The following SLC12A6 variants were observed in gnomAD, a reference collection of about 807,000 sequenced individuals.
SLC12A6 encodes the protein solute carrier family 12 member 6, also known as K-Cl cotransporter 3.
SLC12A6 carries 66 observed loss-of-function variants against 135.3 expected under a neutral mutation model. That is an observed-to-expected ratio of 0.49 (90% CI 0.40 to 0.60). The LOEUF (loss-of-function observed/expected upper bound fraction) is 0.60. SLC12A6 is among the 20% of genes least tolerant of loss of function. The probability of loss-of-function intolerance (pLI) is 0.00; values close to 1 mark genes in which losing one functional copy is unlikely to be tolerated. For synonymous variants in SLC12A6, 513 were observed against 508.8 expected (o/e 1.01, Z -0.11); for missense variants, 1,058 against 1,452.3 (o/e 0.73, Z 4.41).
chr15:34,279,246 G>A (rs753396087), intron 2 of SLC12A6, among the ~76,000 whole-genome samples: 11 of 151,922 alleles, frequency 7.2e-5, no homozygotes, highest in Non-Finnish European at 1.3e-4. Flanking sequence ...CCTGGGAGGC[G>A]GAGGTTGCAG....
At chr15:34,293,173 T>A (rs536651340) in intron 2 of SLC12A6, among the ~76,000 whole-genome samples, 1 of 150,360 alleles carries the variant, frequency 6.7e-6, no homozygotes, top group East Asian at 1.9e-4. Flanking sequence ...TACGTGTTTT[T>A]TAAAAAATCT....
At chr15:34,294,830 C>A (rs1473802996) in intron 2 of SLC12A6, among the ~76,000 whole-genome samples, 1 of 151,568 alleles carries the variant, frequency 6.6e-6, no homozygotes, top group Non-Finnish European at 1.5e-5. Flanking sequence ...GCTAGGATTA[C>A]AGGCATGAGC....
chr15:34,275,448 C>T (rs1894237315), intron 2 of SLC12A6, 59 bp from the exon 3 acceptor site: 1 of 970,020 alleles, frequency 1.0e-6, no homozygotes, highest in African/African-American at 1.6e-5. Context: ...CAAATAATTT[C>T]TTTAAAATCA....
Position 34,230,010 on chromosome 15 carries a change from A to C in SLC12A6, c.*3871T>G, listed in dbSNP as rs1278114040. 1.7e-6 allele frequency: 1 copy of C among 578,146 alleles called. No individual in the cohort carries two copies. The highest frequency in any genetic ancestry group is 3.0e-6 in the Non-Finnish European group (1 of 329,662). The allele number at this position is 578,146 out of a possible 1,614,324, so 35.8% of individuals were successfully genotyped here. ...TAACCCAAGGCTGAAAATAATGTAG[A>C]AAACTTTATTTTTGTTTCCAGTACA... On this transcript the variant is annotated 3_prime_UTR_variant, in exon 26 of 26. Coordinates refer to ENST00000354181, the MANE Select transcript of SLC12A6 (RefSeq NM_001365088.1).
Position 34,279,293 on chromosome 15 carries a change from G to A in SLC12A6, c.272-3904C>T, listed in dbSNP as rs555863390. On this transcript the variant is annotated intron_variant, in intron 2 of 25. Transcript: ENST00000354181. ...CAGGCCACTGCACTCCAGCCTGGGCGACAGAGCAAGACTCCGTCTCAAAAA... is the reference window on the plus strand; with the variant it reads ...CAGGCCACTGCACTCCAGCCTGGGCAACAGAGCAAGACTCCGTCTCAAAAA... Among the ~76,000 whole-genome samples, 132 of 151,550 alleles carry A rather than the reference G, an allele frequency of 8.7e-4. 1 individual carries two copies. The highest frequency in any genetic ancestry group is 3.0e-3 in the African/African-American group (126 of 41,312).
Position 34,324,760 on chromosome 15 carries a change from C to T in SLC12A6, c.271+11650G>A, listed in dbSNP as rs967053878. On this transcript the variant is annotated intron_variant, in intron 2 of 25. Coordinates refer to ENST00000354181, the MANE Select transcript of SLC12A6 (RefSeq NM_001365088.1). Reference sequence around the variant, plus strand: ...CTATATCCCATACTCCGTACCCTCTCGAGTGTGGTATCATTTAGAAGGTTA... The same window carrying T: ...CTATATCCCATACTCCGTACCCTCTTGAGTGTGGTATCATTTAGAAGGTTA... Among the ~76,000 whole-genome samples the T allele has an allele frequency of 2.6e-5, 4 of 151,606 alleles. No homozygotes were observed. In the South Asian group the frequency reaches 6.2e-4, roughly 24 times the overall value.
In SLC12A6 at chr15:34,257,804, T is replaced by G; in HGVS notation, c.544-16A>C. On this transcript the variant is annotated splice_polypyrimidine_tract_variant and intron_variant, in intron 5 of 25. Coordinates refer to ENST00000354181, the MANE Select transcript of SLC12A6 (RefSeq NM_001365088.1). ...TTTGGGGGGTCTAGAAAGAAAGACATTGATAAAAAATCACACAGTTATCCT... is the reference window on the plus strand; with the variant it reads ...TTTGGGGGGTCTAGAAAGAAAGACAGTGATAAAAAATCACACAGTTATCCT... 6.3e-7 allele frequency: 1 copy of G among 1,580,250 alleles called. No individual in the cohort carries two copies. Among genetic ancestry groups the G allele is most frequent in the Non-Finnish European group, 8.7e-7 (1 of 1,150,382 alleles).
chr15:34,336,541 G>A lies in SLC12A6; in HGVS notation c.140C>T (p.Ser47Phe). Residue 47 changes from serine to phenylalanine, a missense_variant, in exon 2 of 26, where the codon TCC (serine) becomes TTC (phenylalanine). Physicochemically the swap from Ser to Phe is radical, Grantham distance 155. Transcript: ENST00000354181. ...GCTTGTTTCAGGCACGCTTTCCCGG[G>A]AGCTAAATCTTACTCGGGAACTAGA... Reference protein sequence around the residue: ...SRSSSRVRFSSRESVPETSRS... With the variant: ...SRSSSRVRFSFRESVPETSRS... 1 of 1,614,048 alleles carries A rather than the reference G, an allele frequency of 6.2e-7. No homozygotes were observed. The highest frequency in any genetic ancestry group is 8.5e-7 in the Non-Finnish European group (1 of 1,179,994).
At chr15:34,304,444 A>G (rs535790052) in intron 2 of SLC12A6, among the ~76,000 whole-genome samples, 2 of 152,334 alleles carry the variant, frequency 1.3e-5, no homozygotes, top group African/African-American at 4.8e-5. Flanking sequence ...TCTATGTTTA[A>G]CTTTTTAAGA....
At chr15:34,332,253 T>C (rs1329563285) in intron 2 of SLC12A6, among the ~76,000 whole-genome samples, 1 of 152,248 alleles carries the variant, frequency 6.6e-6, no homozygotes, top group Non-Finnish European at 1.5e-5. Flanking sequence ...TCTCTGTCTT[T>C]AACACCCAAC....
At chr15:34,285,717 T>TGTATACACACACACACACACACA (rs144158165) in intron 2 of SLC12A6, among the ~76,000 whole-genome samples, 50 of 131,112 alleles carry the variant, frequency 3.8e-4, no homozygotes, top group African/African-American at 1.3e-3. Flanking sequence ...TGTGTGTTTG[T>TGTATACACACACACACACACACA]CATACATAAA....
At chr15:34,335,974 T>C (rs1398065088) in intron 2 of SLC12A6, among the ~76,000 whole-genome samples, 1 of 152,206 alleles carries the variant, frequency 6.6e-6, no homozygotes, top group Non-Finnish European at 1.5e-5. Context: ...GGAAAGCTGC[T>C]AAGATACGAC....
chr15:34,330,252 A>C (rs1889748458), intron 2 of SLC12A6, among the ~76,000 whole-genome samples: 1 of 152,184 alleles, frequency 6.6e-6, no homozygotes, highest in Non-Finnish European at 1.5e-5. Flanking sequence ...TTATTTGTTG[A>C]AGAATCTAGT....
At chr15:34,333,814 T>C (rs1890021043) in intron 2 of SLC12A6, among the ~76,000 whole-genome samples, 1 of 152,116 alleles carries the variant, frequency 6.6e-6, no homozygotes, top group Admixed American at 6.5e-5. Flanking sequence ...CTCACGCCTG[T>C]AATCCCAGCA....
chr15:34,301,937 T>C (rs1162761001), intron 2 of SLC12A6, among the ~76,000 whole-genome samples: 2 of 152,194 alleles, frequency 1.3e-5, no homozygotes, highest in Admixed American at 6.5e-5. Context: ...GCAAGAGAAA[T>C]GTTAAGACCA....
intron 20 of SLC12A6, 58 bp downstream of exon 20, chr15:34,238,907 G>A: frequency 7.0e-7 from 1 of 1,430,984 alleles, no homozygotes; most frequent in Admixed American, 1.7e-5. Flanking sequence ...GGGTGACAGA[G>A]ATTTAACTAT....
intron 8 of SLC12A6, 25 bp downstream of exon 8, chr15:34,255,237 A>G (rs1175189059): frequency 6.5e-7 from 1 of 1,533,238 alleles, no homozygotes; most frequent in Admixed American, 1.7e-5. Context: ...TCTATATTAT[A>G]GACCACAATG....
chr15:34,274,590 G>A (rs1476688656), intron 3 of SLC12A6, among the ~76,000 whole-genome samples: 1 of 152,076 alleles, frequency 6.6e-6, no homozygotes, highest in African/African-American at 2.4e-5. Flanking sequence ...AGAGGTGGGC[G>A]GATCACGAGG....
At chr15:34,298,330 C>A (rs1323899720) in intron 2 of SLC12A6, among the ~76,000 whole-genome samples, 1 of 152,014 alleles carries the variant, frequency 6.6e-6, no homozygotes, top group Admixed American at 6.6e-5. Flanking sequence ...CAAAAATTAG[C>A]TAGGCATGGT....
Sources: gnomAD v4.1 joint callset for allele counts (sites outside exome capture counted in the v4.1 genomes callset) on GRCh38, gnomAD v4.1.1 for gene constraint, MANE v1.5 for transcripts, NCBI Gene and HGNC (gene_info 2026-07-23, HGNC 2026-07-21) for gene names.